CAND1: variants seen among roughly 807,000 people sequenced by gnomAD.
CAND1 encodes the protein cullin associated and neddylation dissociated 1.
In CAND1, 7 loss-of-function variants were observed where a neutral mutation model predicts 108.5. That is an observed-to-expected ratio of 0.06 (90% CI 0.04 to 0.12). The LOEUF (loss-of-function observed/expected upper bound fraction) is 0.12. Among genes scored for constraint, CAND1 ranks in the 10% least tolerant of loss-of-function variants. The probability of loss-of-function intolerance (pLI) is 1.00; values close to 1 mark genes in which losing one functional copy is unlikely to be tolerated. For synonymous variants in CAND1, 534 were observed against 512.0 expected (o/e 1.04, Z -0.58); for missense variants, 941 against 1,448.7 (o/e 0.65, Z 5.69).
At chr12:67,273,501 G>A (rs1036770555) in intron 1 of CAND1, among the ~76,000 whole-genome samples, 1 of 136,564 alleles carries the variant, frequency 7.3e-6, no homozygotes, top group African/African-American at 2.7e-5. Context: ...TTTTTTTAGA[G>A]ATAGGGTCTC....
chr12:67,270,154 G>T, intron 1 of CAND1: 1 of 195,836 alleles, frequency 5.1e-6, no homozygotes. Flanking sequence ...CGGGAGACCG[G>T]GCGCCGGGCC....
At chr12:67,274,420 A>G (rs923535543) in intron 1 of CAND1, among the ~76,000 whole-genome samples, 1 of 152,230 alleles carries the variant, frequency 6.6e-6, no homozygotes, top group Non-Finnish European at 1.5e-5. Flanking sequence ...AAAGCACACG[A>G]TACAAAACTT....
chr12:67,287,857 ATTT>A (rs34177330), intron 2 of CAND1, among the ~76,000 whole-genome samples: 4 of 112,566 alleles, frequency 3.6e-5, no homozygotes, highest in East Asian at 2.6e-4. Flanking sequence ...TTTTGATGTG[ATTT>A]TTTTTTTTTT....
intron 7 of CAND1, among the ~76,000 whole-genome samples, chr12:67,301,776 G>T (rs1299197874): frequency 6.6e-6 from 1 of 152,172 alleles, no homozygotes; most frequent in African/African-American, 2.4e-5. Flanking sequence ...GAAAAGCCTT[G>T]TAGTCACAAA....
rs527709795 is a variant in CAND1 at position 67,283,811 on chromosome 12, T to C, written c.212+1758T>C. On this transcript the variant is annotated intron_variant, in intron 2 of 14. Coordinates refer to ENST00000545606, the MANE Select transcript of CAND1 (RefSeq NM_018448.5). ...TACGTACTTCTTAGTCACTTTAGTATGTATCTTTACTCATTAGGAACCTGA... is the reference window on the plus strand; with the variant it reads ...TACGTACTTCTTAGTCACTTTAGTACGTATCTTTACTCATTAGGAACCTGA... Among the ~76,000 whole-genome samples, 3 of 152,312 alleles carry C rather than the reference T, an allele frequency of 2.0e-5. No individual in the cohort carries two copies. The East Asian group carries it at 5.8e-4, about 29-fold the overall frequency.
chr12:67,275,631 T>G (rs886408306), intron 1 of CAND1, among the ~76,000 whole-genome samples: 2 of 152,098 alleles, frequency 1.3e-5, no homozygotes, highest in Non-Finnish European at 2.9e-5. Flanking sequence ...TGAAAGGTAA[T>G]TGGTGTACTG....
chr12:67,315,149 G>A lies in CAND1; in HGVS notation c.*2319G>A, dbSNP rs1028067881. The A allele has an allele frequency of 2.4e-4, 36 of 152,334 alleles. No individual in the cohort carries two copies. The highest frequency in any genetic ancestry group is 8.7e-4 in the African/African-American group (36 of 41,578). 9.4% of individuals were successfully genotyped at this position (152,334 alleles called of 1,614,324 possible). A position where few individuals can be genotyped will look rare whatever the true frequency, so the allele number is the denominator to read the frequency against. On this transcript the variant is annotated 3_prime_UTR_variant, in exon 15 of 15. Transcript: ENST00000545606. The stretch of plus-strand genomic sequence containing the variant: ...CATTTAAGTTAGTTTAGGTCTACCT[G>A]ATTTATTTTAAAAGAAGGCAGAGGG...
chr12:67,273,479 CTT>C (rs535435592), intron 1 of CAND1, among the ~76,000 whole-genome samples: 21 of 130,594 alleles, frequency 1.6e-4, no homozygotes, highest in Non-Finnish European at 9.6e-5. Flanking sequence ...AAGTTCTTTT[CTT>C]TTTTTTTTTT....
chr12:67,285,818 C>G (rs535588404), intron 2 of CAND1, among the ~76,000 whole-genome samples: 7 of 152,118 alleles, frequency 4.6e-5, no homozygotes, highest in African/African-American at 1.4e-4. Context: ...TTTTTGCTCT[C>G]ATAACACCAC....
In CAND1 at chr12:67,315,089, T is replaced by C. The variant is rs1279539053; in HGVS notation, c.*2259T>C. 6.6e-6 allele frequency: 1 copy of C among 152,244 alleles called. No homozygotes were observed. Among genetic ancestry groups the C allele is most frequent in the East Asian group, 1.9e-4 (1 of 5,200 alleles). The allele number at this position is 152,244 out of a possible 1,614,324, so 9.4% of individuals were successfully genotyped here. A position where few individuals can be genotyped will look rare whatever the true frequency, so the allele number is the denominator to read the frequency against. Reference sequence around the variant, plus strand: ...GTTCCTGAGGAGATCTAAAAGTTAATACAAAACCAAGCTGTTTACTGATTT... The same window carrying C: ...GTTCCTGAGGAGATCTAAAAGTTAACACAAAACCAAGCTGTTTACTGATTT... On this transcript the variant is annotated 3_prime_UTR_variant, in exon 15 of 15. Coordinates refer to ENST00000545606, the MANE Select transcript of CAND1 (RefSeq NM_018448.5).
chr12:67,299,320 T>C (rs2044800952), intron 7 of CAND1, among the ~76,000 whole-genome samples: 1 of 152,144 alleles, frequency 6.6e-6, no homozygotes, highest in Non-Finnish European at 1.5e-5. Context: ...TTAATGCTGT[T>C]AATAAGGTGA....
Position 67,306,149 on chromosome 12 carries a change from C to G in CAND1, c.2481C>G (p.Asn827Lys). ...GTCAGTTTATTCAAGATGTCAAGAA[C>G]TCAAGGTCTACAGATTCCATTCGTC... ...VVGQFIQDVK[N>K]SRSTDSIRLL... Residue 827 changes from asparagine to lysine, a missense_variant, in exon 10 of 15, where the codon AAC becomes AAG. This residue lies in a region of CAND1 where 697 missense variants were observed against 942.0 expected (regional missense o/e 0.74). Transcript: ENST00000545606. 1.2e-6 allele frequency: 2 copies of G among 1,614,090 alleles called. No individual in the cohort carries two copies. The highest frequency in any genetic ancestry group is 8.5e-7 in the Non-Finnish European group (1 of 1,179,978).
At chr12:67,298,570 G>A (rs1036066844) in intron 6 of CAND1, among the ~76,000 whole-genome samples, 2 of 152,138 alleles carry the variant, frequency 1.3e-5, no homozygotes, top group African/African-American at 4.8e-5. Flanking sequence ...TACATCGGTA[G>A]AAGACCAAGC....
At chr12:67,272,511 CTT>C in intron 1 of CAND1, among the ~76,000 whole-genome samples, 1 of 152,050 alleles carries the variant, frequency 6.6e-6, no homozygotes, top group Non-Finnish European at 1.5e-5. Context: ...TTAAAAGAAT[CTT>C]TTTGTAGGAC....
Position 67,295,108 on chromosome 12 carries a change from T to A in CAND1, c.443T>A (p.Val148Asp), listed in dbSNP as rs1696532036. The A allele has an allele frequency of 6.2e-7, 1 of 1,613,114 alleles. No individual in the cohort carries two copies. The highest frequency in any genetic ancestry group is 8.5e-7 in the Non-Finnish European group (1 of 1,179,434). Residue 148 changes from valine to aspartate, a missense_variant, in exon 4 of 15, where the codon GTC (valine) becomes GAC (aspartate). This residue lies in a region of CAND1 where 697 missense variants were observed against 942.0 expected (regional missense o/e 0.74). Transcript: ENST00000545606. ...LTSAIAKQED[V>D]SVQLEALDIM... ...AGTGCAATAGCAAAACAGGAAGATG[T>A]CTCTGTTCAGCTAGAAGCCTTGGAT...
intron 2 of CAND1, among the ~76,000 whole-genome samples, chr12:67,285,745 GT>G: frequency 6.6e-6 from 1 of 152,198 alleles, no homozygotes; most frequent in South Asian, 2.1e-4. Context: ...CCATAAATTA[GT>G]TTTGCCTGTT....
At chr12:67,281,118 TATA>T (rs1240140260) in intron 1 of CAND1, among the ~76,000 whole-genome samples, 1 of 150,360 alleles carries the variant, frequency 6.7e-6, no homozygotes, top group Admixed American at 6.6e-5. Context: ...TCTTATAAAT[TATA>T]ATTATTATAA....
chr12:67,313,161 G>A lies in CAND1; in HGVS notation c.*331G>A, dbSNP rs2044970812. The A allele has an allele frequency of 5.9e-6, 1 of 169,178 alleles. No individual in the cohort carries two copies. The highest frequency in any genetic ancestry group is 6.3e-5 in the Admixed American group (1 of 15,798). The allele number at this position is 169,178 out of a possible 1,614,324, so 10.5% of individuals were successfully genotyped here. On this transcript the variant is annotated 3_prime_UTR_variant, in exon 15 of 15. Transcript: ENST00000545606. ...ACCCTGTAATGTTTAGGATTAAAAT[G>A]TTAAAATTTTGTGACCATGAATTTC...
chr12:67,270,319 T>TA (rs1221965418), intron 1 of CAND1: 1 of 152,908 alleles, frequency 6.5e-6, no homozygotes, highest in Non-Finnish European at 1.5e-5. Flanking sequence ...TCTTGGCTGA[T>TA]ACATAGTTCT....
Sources: gnomAD v4.1 joint callset for allele counts (sites outside exome capture counted in the v4.1 genomes callset) on GRCh38, gnomAD v4.1.1 for gene constraint, gnomAD v4.1.1 regional missense constraint, MANE v1.5 for transcripts, NCBI Gene and HGNC (gene_info 2026-07-23, HGNC 2026-07-21) for gene names.